The following FGGY variants were observed in gnomAD, a reference collection of about 807,000 sequenced individuals.
The protein encoded by FGGY is FGGY carbohydrate kinase domain containing, also known as FGGY carbohydrate kinase domain-containing protein.
FGGY carries 72 observed loss-of-function variants against 71.3 expected under a neutral mutation model. That is an observed-to-expected ratio of 1.01 (90% CI 0.84 to 1.23). The LOEUF is 1.23. FGGY is among the 50% of genes most tolerant of loss of function. FGGY has a pLI of 0.00. For synonymous variants in FGGY, 251 were observed against 250.3 expected (o/e 1.00, Z -0.02); for missense variants, 668 against 682.3 (o/e 0.98, Z 0.23).
chr1:59,379,167 A>G (rs896386053), intron 5 of FGGY, among the ~76,000 whole-genome samples: 35 of 151,286 alleles, frequency 2.3e-4, no homozygotes, highest in Admixed American at 1.4e-3. Context: ...AAATAAACAC[A>G]CACACACACA....
intron 5 of FGGY, among the ~76,000 whole-genome samples, chr1:59,432,274 A>G (rs748517530): frequency 5.9e-5 from 9 of 152,170 alleles, no homozygotes; most frequent in Non-Finnish European, 1.3e-4. Context: ...CTTTATAATA[A>G]GCCAGTAAAT....
intron 5 of FGGY, among the ~76,000 whole-genome samples, chr1:59,383,259 G>T (rs549139368): frequency 1.3e-5 from 2 of 152,172 alleles, no homozygotes; most frequent in Non-Finnish European, 2.9e-5. Flanking sequence ...CATGGGAGAT[G>T]TGGGAATTTG....
At chr1:59,592,145 A>C (rs992785786) in intron 8 of FGGY, among the ~76,000 whole-genome samples, 5 of 152,238 alleles carry the variant, frequency 3.3e-5, no homozygotes, top group African/African-American at 1.2e-4. Context: ...GACACTTCTC[A>C]AAAGAAGACA....
At chr1:59,420,480 T>G (rs1238490526) in intron 5 of FGGY, among the ~76,000 whole-genome samples, 1 of 152,210 alleles carries the variant, frequency 6.6e-6, no homozygotes, top group Non-Finnish European at 1.5e-5. Flanking sequence ...GTATTTGTCC[T>G]TGGATCTCAG....
intron 14 of FGGY, among the ~76,000 whole-genome samples, chr1:59,753,331 A>C (rs1208436972): frequency 6.6e-6 from 1 of 151,734 alleles, no homozygotes; most frequent in African/African-American, 2.4e-5. Context: ...AAAACTCAGC[A>C]GTGCTGTTTC....
rs543515604 is a variant in FGGY at position 59,307,899 on chromosome 1, T to G, written c.-15+10749T>G. ...TAGTTAGAACAAACTATAGATAGTT[T>G]GTTCCTATCAAGAACAACTTATCCT... On this transcript the variant is annotated intron_variant, in intron 1 of 15. Transcript: ENST00000303721. Among the ~76,000 whole-genome samples the G allele has an allele frequency of 3.3e-5, 5 of 152,210 alleles. No homozygotes were observed. The South Asian group carries it at 1.0e-3, about 32-fold the overall frequency.
At chr1:59,489,322 G>A (rs1247335647) in intron 6 of FGGY, among the ~76,000 whole-genome samples, 4 of 151,904 alleles carry the variant, frequency 2.6e-5, no homozygotes, top group Non-Finnish European at 2.9e-5. Flanking sequence ...CTTATTACTC[G>A]CATCTAGCTG....
At chr1:59,524,189 GT>G (rs755942773) in intron 7 of FGGY, among the ~76,000 whole-genome samples, 2 of 152,238 alleles carry the variant, frequency 1.3e-5, no homozygotes, top group Non-Finnish European at 2.9e-5. Flanking sequence ...ATCCAGCCAG[GT>G]GTACATGCAC....
At chr1:59,699,216 A>T (rs1558837296) in intron 14 of FGGY, 4 of 984,948 alleles carry the variant, frequency 4.1e-6, no homozygotes, top group South Asian at 4.7e-5. Context: ...CAGTTCTGAG[A>T]TTTTTTTTCT....
At chr1:59,737,954 G>A (rs989005108) in intron 14 of FGGY, among the ~76,000 whole-genome samples, 2 of 152,154 alleles carry the variant, frequency 1.3e-5, no homozygotes, top group African/African-American at 4.8e-5. Context: ...AATCATGGGG[G>A]CGAGAGCAAA....
intron 8 of FGGY, among the ~76,000 whole-genome samples, chr1:59,569,346 C>T (rs1284482977): frequency 1.3e-5 from 2 of 152,120 alleles, no homozygotes; most frequent in Admixed American, 6.5e-5. Context: ...AGGACAGTCA[C>T]ATAAAATTGC....
chr1:59,738,843 C>T (rs1484704506), intron 14 of FGGY, among the ~76,000 whole-genome samples: 1 of 152,196 alleles, frequency 6.6e-6, no homozygotes, highest in Admixed American at 6.5e-5. Flanking sequence ...AGAGATTAGG[C>T]CCCAAGGTCA....
intron 8 of FGGY, among the ~76,000 whole-genome samples, chr1:59,585,100 T>C (rs2096261738): frequency 6.6e-6 from 1 of 152,092 alleles, no homozygotes; most frequent in African/African-American, 2.4e-5. Flanking sequence ...CTGCCCAAGG[T>C]AATTTATAGA....
At chr1:59,296,617 C>A (rs1376354690), upstream of FGGY, 2 of 152,532 alleles carry the variant, frequency 1.3e-5, no homozygotes, top group Non-Finnish European at 2.9e-5. Context: ...CAATCCCACG[C>A]CCGGTTCAAA....
intron 6 of FGGY, among the ~76,000 whole-genome samples, chr1:59,467,207 T>G (rs1218094139): frequency 6.6e-6 from 1 of 152,056 alleles, no homozygotes; most frequent in Non-Finnish European, 1.5e-5. Context: ...TGTAGGGACA[T>G]GGATGAAGCT....
chr1:59,522,387 C>T (rs934018733), intron 7 of FGGY, among the ~76,000 whole-genome samples: 2 of 152,044 alleles, frequency 1.3e-5, no homozygotes, highest in Admixed American at 6.6e-5. Flanking sequence ...TCCTTCTGGA[C>T]GTTTGTAGAT....
intron 7 of FGGY, among the ~76,000 whole-genome samples, chr1:59,521,970 A>G (rs1253711702): frequency 2.6e-5 from 4 of 152,242 alleles, no homozygotes; most frequent in Admixed American, 2.6e-4. Context: ...TCTCCTCCAG[A>G]GCTGGAAATA....
At chr1:59,398,341 C>T (rs964891893) in intron 5 of FGGY, among the ~76,000 whole-genome samples, 5 of 152,068 alleles carry the variant, frequency 3.3e-5, no homozygotes, top group African/African-American at 4.8e-5. Flanking sequence ...CAGGCTCAAT[C>T]GATTTTCCTG....
intron 9 of FGGY, among the ~76,000 whole-genome samples, chr1:59,608,708 CT>C (rs1317257072): frequency 6.6e-6 from 1 of 152,148 alleles, no homozygotes; most frequent in Non-Finnish European, 1.5e-5. Context: ...TGGCAGGCGC[CT>C]GTAATCTCAG....
Sources: allele counts gnomAD v4.1 joint callset (sites outside exome capture counted in the v4.1 genomes callset), GRCh38; gene constraint gnomAD v4.1.1; transcripts MANE v1.5; gene names NCBI Gene and HGNC (gene_info 2026-07-23, HGNC 2026-07-21).